Variants in ARHGAP6 observed in about 807,000 individuals in gnomAD.
The protein encoded by ARHGAP6 is Rho GTPase activating protein 6.
A neutral mutation model predicts 55.7 loss-of-function variants in ARHGAP6; 16 were observed. That is an observed-to-expected ratio of 0.29 (90% CI 0.19 to 0.44). The LOEUF is 0.44. Ranked by LOEUF, ARHGAP6 falls within the 20% of genes least tolerant of loss-of-function variation. The pLI is 1.00. For synonymous variants in ARHGAP6, 382 were observed against 360.9 expected, an observed-to-expected ratio of 1.06 and a Z score of -0.66; for missense variants, 698 against 808.9, an observed-to-expected ratio of 0.86 and a Z score of 1.66.
chrX:11,364,815 C>T (rs1435293069), intron 1 of ARHGAP6, among the ~76,000 whole-genome samples: 1 of 111,258 alleles, frequency 9.0e-6, no homozygotes, highest in Admixed American at 9.5e-5. Context: ...TAGATAGATG[C>T]ATCAGGGATG....
intron 2 of ARHGAP6, among the ~76,000 whole-genome samples, chrX:11,220,614 C>G (rs932023504): frequency 9.0e-6 from 1 of 110,535 alleles, no homozygotes; most frequent in Admixed American, 9.7e-5. Context: ...GCCTGCCTTA[C>G]AAGAGCTCCT....
At chrX:11,206,572 G>A (rs995070337) in intron 2 of ARHGAP6, among the ~76,000 whole-genome samples, 7 of 111,857 alleles carry the variant, frequency 6.3e-5, no homozygotes, top group African/African-American at 9.7e-5. Context: ...TTTATCTTCC[G>A]TTAGTAGTAT....
intron 1 of ARHGAP6, among the ~76,000 whole-genome samples, chrX:11,599,794 C>T (rs1315467929): frequency 2.7e-5 from 3 of 111,545 alleles, no homozygotes; most frequent in Non-Finnish European, 3.8e-5. Flanking sequence ...ACACACAAAC[C>T]GGTAACTATG....
intron 2 of ARHGAP6, among the ~76,000 whole-genome samples, chrX:11,225,513 G>A (rs1211258027): frequency 9.1e-6 from 1 of 110,468 alleles, no homozygotes; most frequent in Middle Eastern, 4.2e-3. Context: ...GCATATGAGT[G>A]GTGAACACAA....
intron 1 of ARHGAP6, among the ~76,000 whole-genome samples, chrX:11,372,275 T>C (rs768103146): frequency 1.4e-4 from 16 of 112,391 alleles, no homozygotes; most frequent in African/African-American, 5.2e-4. Context: ...ACTGACTATA[T>C]GTTTATATAT....
At chrX:11,413,644 A>T (rs2049714531) in intron 1 of ARHGAP6, among the ~76,000 whole-genome samples, 1 of 112,212 alleles carries the variant, frequency 8.9e-6, no homozygotes, top group Admixed American at 9.4e-5. Flanking sequence ...AATCTCAGAT[A>T]CATCCACAAG....
intron 8 of ARHGAP6, among the ~76,000 whole-genome samples, chrX:11,176,246 TA>T (rs2046213259): frequency 4.4e-5 from 3 of 67,579 alleles, no homozygotes; most frequent in African/African-American, 1.5e-4. Context: ...TATATATATA[TA>T]TATATATATA....
chrX:11,325,029 T>C (rs904946381), intron 1 of ARHGAP6, among the ~76,000 whole-genome samples: 1 of 111,212 alleles, frequency 9.0e-6, no homozygotes, highest in African/African-American at 3.3e-5. Flanking sequence ...CGGCTAATTT[T>C]TTGTATTTTT....
intron 1 of ARHGAP6, among the ~76,000 whole-genome samples, chrX:11,423,280 C>G (rs2049843953): frequency 8.9e-6 from 1 of 112,707 alleles, no homozygotes; most frequent in Admixed American, 9.3e-5. Context: ...CAGAGAGTAT[C>G]CTGTATTCAA....
chrX:11,601,921 C>T (rs1446720261), intron 1 of ARHGAP6, among the ~76,000 whole-genome samples: 2 of 111,064 alleles, frequency 1.8e-5, no homozygotes, highest in African/African-American at 3.3e-5. Flanking sequence ...GAACAAATGG[C>T]GAGTAAGTAC....
At chrX:11,330,842 G>A (rs1439223220) in intron 1 of ARHGAP6, among the ~76,000 whole-genome samples, 2 of 112,008 alleles carry the variant, frequency 1.8e-5, no homozygotes, top group Non-Finnish European at 3.8e-5. Context: ...AAAGCTGCAG[G>A]ATCCCTCTCT....
intron 2 of ARHGAP6, among the ~76,000 whole-genome samples, chrX:11,219,523 A>G (rs1323849965): frequency 6.3e-5 from 6 of 94,831 alleles, no homozygotes; most frequent in Non-Finnish European, 1.3e-4. Context: ...AAGTGTTCCT[A>G]TTTCTCCACA....
intron 1 of ARHGAP6, among the ~76,000 whole-genome samples, chrX:11,619,969 C>A (rs779751661): frequency 8.9e-6 from 1 of 112,228 alleles, no homozygotes; most frequent in Non-Finnish European, 1.9e-5. Context: ...TTATAACTAA[C>A]TACAGGCTTC....
At chrX:11,352,770 G>A (rs759191348) in intron 1 of ARHGAP6, among the ~76,000 whole-genome samples, 2 of 111,523 alleles carry the variant, frequency 1.8e-5, no homozygotes, top group South Asian at 7.6e-4. Context: ...AATGAGGTAA[G>A]AGCAGGTTTC....
chrX:11,565,782 G>A (rs1415298141), intron 1 of ARHGAP6, among the ~76,000 whole-genome samples: 4 of 112,068 alleles, frequency 3.6e-5, no homozygotes, highest in African/African-American at 9.7e-5. Flanking sequence ...CCTTGCCAGC[G>A]CAGAATGGCT....
chrX:11,173,381 C>A (rs1024622663), intron 8 of ARHGAP6, among the ~76,000 whole-genome samples: 13 of 111,863 alleles, frequency 1.2e-4, no homozygotes, highest in Non-Finnish European at 2.3e-4. Context: ...GCCTCATAGA[C>A]CCTTTGAGAA....
chrX:11,521,089 T>G (rs747360038), intron 1 of ARHGAP6, among the ~76,000 whole-genome samples: 1 of 112,027 alleles, frequency 8.9e-6, no homozygotes, highest in East Asian at 2.8e-4. Flanking sequence ...TTGCAAAAAT[T>G]TTCTCCCATT....
At chrX:11,146,113 G>T (rs1199025977) in intron 10 of ARHGAP6, among the ~76,000 whole-genome samples, 1 of 112,349 alleles carries the variant, frequency 8.9e-6, no homozygotes, top group Admixed American at 9.4e-5. Context: ...AGGAGAAGGA[G>T]GAAGGGTGTC....
intron 1 of ARHGAP6, among the ~76,000 whole-genome samples, chrX:11,396,958 C>G (rs767419312): frequency 9.0e-6 from 1 of 111,493 alleles, no homozygotes; most frequent in African/African-American, 3.3e-5. Flanking sequence ...CAAACACACA[C>G]ATGTGCACAC....
Sources: allele counts gnomAD v4.1 joint callset (sites outside exome capture counted in the v4.1 genomes callset), GRCh38; gene constraint gnomAD v4.1.1; transcripts MANE v1.5; gene names NCBI Gene and HGNC (gene_info 2026-07-23, HGNC 2026-07-21).